ZAN: variants seen among roughly 807,000 people sequenced by gnomAD.
ZAN encodes the protein zonadhesin.
Under a neutral mutation model 286.2 loss-of-function variants are expected in ZAN, and 260 were observed. That is an observed-to-expected ratio of 0.91 (90% CI 0.82 to 1.01). The LOEUF (loss-of-function observed/expected upper bound fraction) is 1.01, where lower values mean the gene tolerates loss of function less well. Ranked by LOEUF, ZAN falls within the 50% of genes least tolerant of loss-of-function variation. The pLI, the probability that ZAN is intolerant of heterozygous loss-of-function variation, is 0.00. For missense variants in ZAN, 3,410 were observed against 3,639.2 expected, an observed-to-expected ratio of 0.94 and a Z score of 1.62; for synonymous variants, 1,368 against 1,417.5, an observed-to-expected ratio of 0.97 and a Z score of 0.79.
chr7:100,758,116 A>G, intron 15 of ZAN, 86 bp from the exon 16 acceptor site: 1 of 1,063,720 alleles, frequency 9.4e-7, no homozygotes, highest in South Asian at 3.8e-5. Context: ...AAATAAATAA[A>G]TAAATAAATA....
intron 37 of ZAN, among the ~76,000 whole-genome samples, 195 bp downstream of exon 37, chr7:100,786,336 C>T (rs1811565422): frequency 6.6e-6 from 1 of 152,176 alleles, no homozygotes; most frequent in Non-Finnish European, 1.5e-5. Flanking sequence ...GTCCTGATCC[C>T]CTCTGGGACC....
intron 37 of ZAN, among the ~76,000 whole-genome samples, chr7:100,787,366 T>G (rs1268428773): frequency 6.6e-6 from 1 of 152,010 alleles, no homozygotes; most frequent in Non-Finnish European, 1.5e-5. Flanking sequence ...CAGTGAGCTA[T>G]GATCGTACCA....
At chr7:100,750,309 G>T (rs1808561856) in intron 11 of ZAN, among the ~76,000 whole-genome samples, 1 of 151,870 alleles carries the variant, frequency 6.6e-6, no homozygotes, top group Non-Finnish European at 1.5e-5. Flanking sequence ...GCTAATTTTT[G>T]TATTTTTAGT....
intron 40 of ZAN, among the ~76,000 whole-genome samples, chr7:100,791,381 T>TTCCTCCTCCTTCTCCTCC (rs1811946118): frequency 1.3e-5 from 2 of 151,756 alleles, no homozygotes; most frequent in South Asian, 2.1e-4. Context: ...CCTCCTCCTC[T>TTCCTCCTCCTTCTCCTCC]TCCTCCTCCT....
rs1276391531 is a variant in ZAN at position 100,768,692 on chromosome 7, C to T, written c.5124C>T (p.Ala1708=). Residue 1708 remains alanine, a synonymous_variant, in exon 27 of 48, where the codon GCC becomes GCT. Transcript: ENST00000613979. ...LAGDSMQLGA[A]WKLPESSEPG... is the part of the protein sequence containing the mutation. ...GCGATTCCATGCAGCTGGGGGCCGC[C>T]TGGAAGTTACCTGAATCCTCTGAAC... 1 of 1,605,534 alleles carries T rather than the reference C, an allele frequency of 6.2e-7. No individual in the cohort carries two copies. The highest frequency in any genetic ancestry group is 1.1e-5 in the South Asian group (1 of 89,410).
At chr7:100,791,163 T>G in intron 40 of ZAN, 50 bp downstream of exon 40, 3 of 1,574,304 alleles carry the variant, frequency 1.9e-6, no homozygotes, top group South Asian at 1.2e-5. Flanking sequence ...ACAATGTCTG[T>G]GCACGGTGGC....
intron 7 of ZAN, among the ~76,000 whole-genome samples, chr7:100,743,683 C>T (rs1584551889): frequency 1.3e-5 from 2 of 151,732 alleles, no homozygotes; most frequent in Admixed American, 1.3e-4. Context: ...TCAAGACCAG[C>T]CTGGAACATA....
chr7:100,788,692 C>A (rs1811738966), intron 38 of ZAN, among the ~76,000 whole-genome samples: 1 of 152,078 alleles, frequency 6.6e-6, no homozygotes, highest in Admixed American at 6.6e-5. Flanking sequence ...ATGGCATCCA[C>A]TACACCAATG....
chr7:100,744,832 C>T (rs1286557887), intron 7 of ZAN, among the ~76,000 whole-genome samples: 1 of 150,728 alleles, frequency 6.6e-6, no homozygotes, highest in African/African-American at 2.4e-5. Flanking sequence ...TTCTTTTTCT[C>T]CCATTTCTCC....
intron 19 of ZAN, 73 bp from the exon 20 acceptor site, chr7:100,762,142 T>C: frequency 6.3e-7 from 1 of 1,591,924 alleles, no homozygotes; most frequent in Non-Finnish European, 8.6e-7. Flanking sequence ...GCTCCTTGCC[T>C]TCTCTGCCAC....
At chr7:100,761,114 G>C (rs1051880369) in intron 19 of ZAN, among the ~76,000 whole-genome samples, 1 of 151,954 alleles carries the variant, frequency 6.6e-6, no homozygotes, top group Non-Finnish European at 1.5e-5. Flanking sequence ...GGCTTGTCTC[G>C]AACTCCTGAC....
chr7:100,788,459 G>A (rs1482071783), intron 38 of ZAN, among the ~76,000 whole-genome samples: 1 of 152,122 alleles, frequency 6.6e-6, no homozygotes, highest in African/African-American at 2.4e-5. Context: ...GGCTTAGGCT[G>A]GAGGATCACT....
chr7:100,791,814 A>T (rs1584635535), intron 40 of ZAN, among the ~76,000 whole-genome samples, 152 bp from the exon 41 acceptor site: 3 of 149,348 alleles, frequency 2.0e-5, no homozygotes. Context: ...TGCAGTTTCC[A>T]CCTCCTGGGC....
Position 100,740,002 on chromosome 7 carries a change from A to G in ZAN, c.766+1389A>G, listed in dbSNP as rs888311985. Among the ~76,000 whole-genome samples, 2 of 141,728 alleles carry G rather than the reference A, an allele frequency of 1.4e-5. 1 individual carries two copies. Among genetic ancestry groups the G allele is most frequent in the Non-Finnish European group, 3.2e-5 (2 of 63,180 alleles). 93.0% of individuals were successfully genotyped at this position (141,728 alleles called of 152,430 possible). A position where few individuals can be genotyped will look rare whatever the true frequency, so the allele number is the denominator to read the frequency against. On this transcript the variant is annotated intron_variant, in intron 7 of 47. Coordinates refer to ENST00000613979, the MANE Select transcript of ZAN (RefSeq NM_003386.3). ...AGGCTGGTCAGAGTAGGTCACATTC[A>G]GGACACATTTGAGCACGAACTTGAA...
chr7:100,747,077 C>T (rs1370524769), intron 8 of ZAN, among the ~76,000 whole-genome samples: 1 of 151,246 alleles, frequency 6.6e-6, no homozygotes, highest in East Asian at 1.9e-4. Flanking sequence ...AGCAAGACTC[C>T]CTCTCAAATA....
At chr7:100,796,339 G>A (rs1053713107) in intron 45 of ZAN, among the ~76,000 whole-genome samples, 8 of 151,988 alleles carry the variant, frequency 5.3e-5, no homozygotes, top group African/African-American at 1.7e-4. Flanking sequence ...GATTGAAGAC[G>A]GGGTAACTTG....
intron 35 of ZAN, among the ~76,000 whole-genome samples, chr7:100,782,391 C>T (rs755404788): frequency 6.6e-6 from 1 of 152,180 alleles, no homozygotes; most frequent in African/African-American, 2.4e-5. Context: ...TGCAGTGGCA[C>T]GATCCCGGAT....
At chr7:100,736,395 T>G in intron 3 of ZAN, 88 bp from the exon 4 acceptor site, 1 of 1,362,026 alleles carries the variant, frequency 7.3e-7, no homozygotes, top group Non-Finnish European at 1.0e-6. Flanking sequence ...TCTCTAAGTG[T>G]AGCAATCTTG....
Position 100,759,855 on chromosome 7 carries a change from A to T in ZAN, c.3696+10A>T. 1.2e-6 allele frequency: 2 copies of T among 1,611,260 alleles called. No homozygotes were observed. The highest frequency in any genetic ancestry group is 1.7e-6 in the Non-Finnish European group (2 of 1,178,732). ...GGGCAGACGCACTCTGGTGAGCCCC[A>T]TTCCACCCCCACCATCCTTGCAGGG... On this transcript the variant is annotated intron_variant, in intron 18 of 47. Coordinates refer to ENST00000613979, the MANE Select transcript of ZAN (RefSeq NM_003386.3).
Sources: allele counts gnomAD v4.1 joint callset (sites outside exome capture counted in the v4.1 genomes callset), GRCh38; gene constraint gnomAD v4.1.1; transcripts MANE v1.5; gene names NCBI Gene and HGNC (gene_info 2026-07-23, HGNC 2026-07-21).